The following CEP120 variants were observed in gnomAD, a reference collection of about 807,000 sequenced individuals.
CEP120 encodes centrosomal protein of 120 kDa.
CEP120 carries 113 observed loss-of-function variants against 126.5 expected under a neutral mutation model. That is an observed-to-expected ratio of 0.89 (90% CI 0.77 to 1.04). The LOEUF (loss-of-function observed/expected upper bound fraction) is 1.04. Ranked by LOEUF, CEP120 falls within the 50% of genes least tolerant of loss-of-function variation. CEP120 has a pLI of 0.00. For missense variants in CEP120, 1,230 were observed against 1,155.7 expected (o/e 1.06, Z -0.93); for synonymous variants, 400 against 394.3 (o/e 1.01, Z -0.17).
intron 14 of CEP120, 140 bp downstream of exon 14, chr5:123,381,971 A>C: frequency 1.7e-6 from 1 of 580,336 alleles, no homozygotes; most frequent in Non-Finnish European, 3.0e-6. Context: ...TTCTCTATCC[A>C]GAGCCACCAC....
chr5:123,398,949 AT>A (rs1341024985), intron 5 of CEP120, among the ~76,000 whole-genome samples, 186 bp downstream of exon 5: 1 of 152,190 alleles, frequency 6.6e-6, no homozygotes, highest in Admixed American at 6.5e-5. Context: ...AATCAAGATC[AT>A]CAAAATCTAT....
At chr5:123,379,825 G>T (rs926898706) in intron 14 of CEP120, among the ~76,000 whole-genome samples, 1 of 151,986 alleles carries the variant, frequency 6.6e-6, no homozygotes, top group Non-Finnish European at 1.5e-5. Flanking sequence ...TTTCCTCAAG[G>T]GGCTGTGTCC....
At position 123,423,336 on chromosome 5, in the gene CEP120, G is replaced by A. The variant is rs371006183; in HGVS notation, c.-338C>T. On this transcript the variant is annotated 5_prime_UTR_variant, in exon 1 of 20. Coordinates refer to ENST00000306467, the MANE Select transcript of CEP120 (RefSeq NM_001375405.1). The stretch of plus-strand genomic sequence containing the variant: ...CGCCCGGGCGGCCGCAGCGGCCGCC[G>A]CCGCGCCCAGCTTCCGCCTAGCAAC... The A allele has an allele frequency of 2.9e-6, 1 of 347,156 alleles. No individual in the cohort carries two copies. Among genetic ancestry groups the A allele is most frequent in the Non-Finnish European group, 5.3e-6 (1 of 188,978 alleles). The allele number at this position is 347,156 out of a possible 1,614,324, so 21.5% of individuals were successfully genotyped here. A position where few individuals can be genotyped will look rare whatever the true frequency, so the allele number is the denominator to read the frequency against.
At chr5:123,349,912 GC>G in intron 19 of CEP120, 31 bp downstream of exon 19, 2 of 1,598,018 alleles carry the variant, frequency 1.3e-6, no homozygotes, top group Non-Finnish European at 1.7e-6. Context: ...CCAAACTTTG[GC>G]TTTTGAAAGA....
chr5:123,362,096 T>C (rs1374748794), intron 18 of CEP120, among the ~76,000 whole-genome samples: 2 of 151,730 alleles, frequency 1.3e-5, no homozygotes, highest in Non-Finnish European at 3.0e-5. Flanking sequence ...ATTCTCTTCA[T>C]ATTTCCTTGG....
intron 5 of CEP120, among the ~76,000 whole-genome samples, chr5:123,397,636 T>C (rs1465863609): frequency 4.6e-5 from 7 of 152,226 alleles, no homozygotes; most frequent in Admixed American, 3.9e-4. Flanking sequence ...CACCAAGTTC[T>C]TTATATAGTG....
intron 18 of CEP120, among the ~76,000 whole-genome samples, 196 bp downstream of exon 18, chr5:123,364,300 G>C (rs1449761224): frequency 6.6e-6 from 1 of 151,364 alleles, no homozygotes; most frequent in African/African-American, 2.4e-5. Context: ...TTTTTTAAAA[G>C]ACATAATTGT....
chr5:123,415,952 T>C (rs1774352493), intron 3 of CEP120, 58 bp downstream of exon 3: 5 of 1,109,794 alleles, frequency 4.5e-6, no homozygotes, highest in Non-Finnish European at 6.8e-6. Context: ...ATCTGTTATC[T>C]ACTGAAAATA....
At chr5:123,410,628 C>G (rs1447291314) in intron 4 of CEP120, among the ~76,000 whole-genome samples, 1 of 152,208 alleles carries the variant, frequency 6.6e-6, no homozygotes, top group Non-Finnish European at 1.5e-5. Flanking sequence ...AACTGGACAT[C>G]TACATGCAAA....
intron 5 of CEP120, among the ~76,000 whole-genome samples, chr5:123,396,021 G>T (rs1256835377): frequency 1.3e-5 from 2 of 148,438 alleles, no homozygotes; most frequent in Middle Eastern, 3.5e-3. Flanking sequence ...TATAAAGATG[G>T]AGGTCTCGCT....
chr5:123,378,254 G>C (rs1421936317), intron 15 of CEP120, 82 bp downstream of exon 15: 1 of 1,013,944 alleles, frequency 9.9e-7, no homozygotes, highest in Non-Finnish European at 1.4e-6. Flanking sequence ...GGACTCTTTT[G>C]CATCTAACTT....
chr5:123,372,570 T>C, intron 17 of CEP120, 80 bp downstream of exon 17: 3 of 1,349,550 alleles, frequency 2.2e-6, no homozygotes, highest in Non-Finnish European at 3.2e-6. Context: ...AAAACATTAT[T>C]ATATTGTATA....
rs1460387393 is a variant in CEP120 at position 123,350,073 on chromosome 5, T to C, written c.2597A>G (p.Gln866Arg). The C allele has an allele frequency of 1.4e-5, 22 of 1,612,242 alleles. No homozygotes were observed. The highest frequency in any genetic ancestry group is 1.9e-5 in the Non-Finnish European group (22 of 1,179,472). The change falls in exon 19 of 20, where the codon CAA becomes CGA. Residue 866 changes from glutamine (Q) to arginine (R), a missense_variant. Transcript: ENST00000306467. ...ARLKQREQES[Q>R]MARLKKQQEE... The stretch of plus-strand genomic sequence containing the variant: ...CTGCTGTTTTTTAAGACGAGCCATT[T>C]GACTTTCTTGCTCCCTCTTGAAAGA...
Position 123,390,177 on chromosome 5 carries a change from G to C in CEP120, c.1039-37C>G, listed in dbSNP as rs368194140. ...TTTTAAATAAAGTATAATTTGCAAA[G>C]AACTTTCCTTCATAATTAAGCAAAA... is the stretch of plus-strand genomic sequence containing the variant. On this transcript the variant is annotated intron_variant, in intron 7 of 19. Transcript: ENST00000306467. 244 of 1,439,426 alleles carry C rather than the reference G, an allele frequency of 1.7e-4. No individual in the cohort carries two copies. In the African/African-American group the frequency reaches 2.7e-3, roughly 16 times the overall value. 89.2% of individuals were successfully genotyped at this position (1,439,426 alleles called of 1,614,324 possible).
At chr5:123,365,773 A>AG (rs1202772938) in intron 17 of CEP120, among the ~76,000 whole-genome samples, 1 of 151,612 alleles carries the variant, frequency 6.6e-6, no homozygotes, top group African/African-American at 2.4e-5. Flanking sequence ...TCAGAAGAAA[A>AG]GAAAAAAATA....
At chr5:123,385,458 G>A (rs1771955495) in intron 10 of CEP120, among the ~76,000 whole-genome samples, 3 of 152,226 alleles carry the variant, frequency 2.0e-5, no homozygotes, top group South Asian at 4.1e-4. Context: ...GTGCAGGTTC[G>A]CAGTCTAGAA....
At chr5:123,389,026 A>G (rs1248239442) in intron 8 of CEP120, among the ~76,000 whole-genome samples, 4 of 152,214 alleles carry the variant, frequency 2.6e-5, no homozygotes, top group Admixed American at 2.6e-4. Context: ...ACAGAAAGCT[A>G]AAACTTAAAA....
At chr5:123,380,029 G>T (rs1414343515) in intron 14 of CEP120, among the ~76,000 whole-genome samples, 1 of 152,048 alleles carries the variant, frequency 6.6e-6, no homozygotes. Context: ...GGCAGAACAA[G>T]AACCACGTAT....
intron 4 of CEP120, among the ~76,000 whole-genome samples, chr5:123,400,210 C>T (rs1773082917): frequency 6.6e-6 from 1 of 152,078 alleles, no homozygotes; most frequent in African/African-American, 2.4e-5. Flanking sequence ...ATATCTAAGT[C>T]GCATAGACCA....
Sources: gnomAD v4.1 joint callset for allele counts (sites outside exome capture counted in the v4.1 genomes callset) on GRCh38, gnomAD v4.1.1 for gene constraint, MANE v1.5 for transcripts, NCBI Gene and HGNC (gene_info 2026-07-23, HGNC 2026-07-21) for gene names.